The following USP6NL variants were observed in gnomAD, a reference collection of about 807,000 sequenced individuals.
The protein encoded by USP6NL is USP6 N-terminal like.
Under a neutral mutation model 61.9 loss-of-function variants are expected in USP6NL, and 26 were observed. That is an observed-to-expected ratio of 0.42 (90% CI 0.31 to 0.58). USP6NL has a LOEUF of 0.58. Ranked by LOEUF, USP6NL falls within the 20% of genes least tolerant of loss-of-function variation. USP6NL has a pLI of 0.16. For synonymous variants in USP6NL, 432 were observed against 390.1 expected (o/e 1.11, Z -1.27); for missense variants, 1,114 against 1,034.3 (o/e 1.08, Z -1.06).
intron 2 of USP6NL, among the ~76,000 whole-genome samples, chr10:11,529,178 GA>G (rs567837371): frequency 1.0e-3 from 148 of 148,020 alleles, no homozygotes; most frequent in African/African-American, 3.3e-3. Context: ...CCAAGACATA[GA>G]AAAAAAAAAT....
rs1385589510 is a variant in USP6NL at position 11,548,832 on chromosome 10, T to C, written c.5-21265A>G. ...CTTTCTAACACTCAAATAAAACTTA[T>C]CTCCAACATTTCTTTAGGTTGCCTG... On this transcript the variant is annotated intron_variant, in intron 2 of 14. Transcript: ENST00000609104. This position sits in a 1 kb window ranked among gnomAD's most constrained non-coding sequence, Gnocchi z 4.3. Among the ~76,000 whole-genome samples, 6 of 152,260 alleles carry C rather than the reference T, an allele frequency of 3.9e-5. No homozygotes were observed. Among genetic ancestry groups the C allele is most frequent in the Admixed American group, 1.3e-4 (2 of 15,292 alleles).
chr10:11,572,051 T>C (rs1256886697), intron 2 of USP6NL, among the ~76,000 whole-genome samples: 1 of 151,782 alleles, frequency 6.6e-6, no homozygotes, highest in Non-Finnish European at 1.5e-5. Context: ...ATATATGAGA[T>C]ATATCTATAT....
At chr10:11,555,433 A>AAAAAAAAATATAT (rs1275798295) in intron 2 of USP6NL, among the ~76,000 whole-genome samples, 7 of 49,022 alleles carry the variant, frequency 1.4e-4, no homozygotes, top group African/African-American at 2.8e-4. Context: ...AAAAAAAAAA[A>AAAAAAAAATATAT]ATATATATAT....
At chr10:11,569,621 G>A in intron 2 of USP6NL, among the ~76,000 whole-genome samples, 1 of 152,184 alleles carries the variant, frequency 6.6e-6, no homozygotes, top group East Asian at 1.9e-4. Flanking sequence ...TGATCGATAA[G>A]GAATGTGACT....
At chr10:11,504,880 C>A (rs1834369476) in intron 6 of USP6NL, among the ~76,000 whole-genome samples, 1 of 152,174 alleles carries the variant, frequency 6.6e-6, no homozygotes, top group Non-Finnish European at 1.5e-5. Context: ...GACAGACTCC[C>A]CAGTGAGCCA....
rs369273055 is a variant in USP6NL, at chr10:11,495,082, C to T, written c.385-1854G>A. Among the ~76,000 whole-genome samples the T allele has an allele frequency of 4.5e-4, 68 of 152,228 alleles. No homozygotes were observed. The South Asian group carries it at 0.012, about 27-fold the overall frequency. ...TGCTAGACCTCGGTCCGCCTGGCAACGGGCGTCTTCCCAGATGCTGGCGTT... is the reference window on the plus strand; with the variant it reads ...TGCTAGACCTCGGTCCGCCTGGCAATGGGCGTCTTCCCAGATGCTGGCGTT... On this transcript the variant is annotated intron_variant, in intron 7 of 14. Transcript: ENST00000609104. The surrounding 1 kb of genome is among the most constrained non-coding windows in gnomAD (Gnocchi z 4.6).
chr10:11,607,221 G>C (rs576249845), intron 1 of USP6NL, among the ~76,000 whole-genome samples: 2 of 152,190 alleles, frequency 1.3e-5, no homozygotes, highest in South Asian at 4.1e-4. Flanking sequence ...ATAAATTTTA[G>C]CCTGCACATC....
chr10:11,507,874 C>T (rs1436372622), intron 6 of USP6NL, among the ~76,000 whole-genome samples: 2 of 152,140 alleles, frequency 1.3e-5, no homozygotes, highest in South Asian at 2.1e-4. Context: ...AGTTAAATGC[C>T]TTTCCCAAGG....
At chr10:11,531,918 A>G (rs1835676825) in intron 2 of USP6NL, among the ~76,000 whole-genome samples, 1 of 152,206 alleles carries the variant, frequency 6.6e-6, no homozygotes, top group Non-Finnish European at 1.5e-5. Context: ...CAACTATACA[A>G]TTCTAAGATG....
rs1838081750 is a variant in USP6NL, at chr10:11,589,292, T to A, written c.4+8339A>T. On this transcript the variant is annotated intron_variant, in intron 2 of 14. Transcript: ENST00000609104. The surrounding 1 kb of genome is among the most constrained non-coding windows in gnomAD (Gnocchi z 4.7). Reference sequence around the variant, plus strand: ...GTTATATTAGTTAAAACAACAAATTTAAGCAGGTTTGAAAATTAAATTCAA... The same window carrying A: ...GTTATATTAGTTAAAACAACAAATTAAAGCAGGTTTGAAAATTAAATTCAA... Among the ~76,000 whole-genome samples, 1 of 152,238 alleles carries A rather than the reference T, an allele frequency of 6.6e-6. No individual in the cohort carries two copies. Among genetic ancestry groups the A allele is most frequent in the South Asian group, 2.1e-4 (1 of 4,826 alleles).
At chr10:11,546,454 T>C (rs1298203801) in intron 2 of USP6NL, among the ~76,000 whole-genome samples, 1 of 152,112 alleles carries the variant, frequency 6.6e-6, no homozygotes, top group Non-Finnish European at 1.5e-5. Context: ...CAGGCTGGAG[T>C]GAAGTGGCAC....
At chr10:11,514,353 T>C (rs1188069116) in intron 5 of USP6NL, among the ~76,000 whole-genome samples, 1 of 152,208 alleles carries the variant, frequency 6.6e-6, no homozygotes, top group African/African-American at 2.4e-5. Flanking sequence ...TTTGGGTTTT[T>C]TTTTCTATCA....
intron 1 of USP6NL, among the ~76,000 whole-genome samples, chr10:11,606,697 T>G (rs1268147849): frequency 1.3e-5 from 2 of 150,220 alleles, no homozygotes; most frequent in South Asian, 4.2e-4. Context: ...AGCTAAAAAA[T>G]GAAAAAACAA....
rs1386107846 is a variant in USP6NL, at chr10:11,485,215, G to A, written c.779C>T (p.Thr260Ile). 3 of 1,528,878 alleles carry A rather than the reference G, an allele frequency of 2.0e-6. No homozygotes were observed. The highest frequency in any genetic ancestry group is 2.6e-6 in the Non-Finnish European group (3 of 1,141,860). 94.7% of individuals were successfully genotyped at this position (1,528,878 alleles called of 1,614,324 possible). A position where few individuals can be genotyped will look rare whatever the true frequency, so the allele number is the denominator to read the frequency against. Residue 260 changes from threonine (T) to isoleucine (I), a missense_variant, in exon 12 of 15, where the codon ACA becomes ATA. Transcript: ENST00000609104. The surrounding 1 kb of genome is among the most constrained non-coding windows in gnomAD (Gnocchi z 4.8). Reference protein sequence around the residue: ...KQHLDSQEIYTSFYTMKWFFQ... With the variant: ...KQHLDSQEIYISFYTMKWFFQ... ...AAACCATTTCATTGTGTAAAAACTT[G>A]TGTAGATTTCTTGAGAATCCTGAAA... is the stretch of plus-strand genomic sequence containing the variant.
intron 6 of USP6NL, among the ~76,000 whole-genome samples, chr10:11,506,571 C>T (rs546476881): frequency 3.9e-5 from 6 of 152,038 alleles, no homozygotes; most frequent in Admixed American, 3.9e-4. Context: ...ATCACTTAAG[C>T]CCAGGAGTTG....
At position 11,489,279 on chromosome 10, in the gene USP6NL, G is replaced by A; in HGVS notation, c.544-57C>T. ...GAGTTCAGTCGAATTACATGCATATGTACAGAGAAAAAGCTACTCTATAAA... is the reference window on the plus strand; with the variant it reads ...GAGTTCAGTCGAATTACATGCATATATACAGAGAAAAAGCTACTCTATAAA... On this transcript the variant is annotated intron_variant, in intron 9 of 14. Coordinates refer to ENST00000609104, the MANE Select transcript of USP6NL (RefSeq NM_014688.5). The surrounding 1 kb of genome is among the most constrained non-coding windows in gnomAD (Gnocchi z 5.7). 1 of 1,579,064 alleles carries A rather than the reference G, an allele frequency of 6.3e-7. No homozygotes were observed. The highest frequency in any genetic ancestry group is 1.8e-5 in the Admixed American group (1 of 57,062).
intron 13 of USP6NL, among the ~76,000 whole-genome samples, chr10:11,483,801 G>C (rs1833345636): frequency 6.6e-6 from 1 of 151,998 alleles, no homozygotes; most frequent in Admixed American, 6.6e-5. Context: ...CAATTGTTTT[G>C]TTCTGGTGCA....
intron 7 of USP6NL, among the ~76,000 whole-genome samples, chr10:11,497,163 G>A (rs543031053): frequency 6.4e-4 from 93 of 145,118 alleles, no homozygotes; most frequent in South Asian, 1.3e-3. Context: ...TAATCCCAGC[G>A]CTTTGGAAGG....
At chr10:11,565,016 T>C (rs1220398512) in intron 2 of USP6NL, 1 of 152,224 alleles carries the variant, frequency 6.6e-6, no homozygotes, top group Admixed American at 6.5e-5. Flanking sequence ...AGAGAAGTTG[T>C]ATGATCTTAC....
Sources: allele counts gnomAD v4.1 joint callset (sites outside exome capture counted in the v4.1 genomes callset), GRCh38; gene constraint gnomAD v4.1.1; non-coding constraint Gnocchi (gnomAD v3.1); transcripts MANE v1.5; gene names NCBI Gene and HGNC (gene_info 2026-07-23, HGNC 2026-07-21).